The following DMBT1 variants were observed in gnomAD, a reference collection of about 807,000 sequenced individuals.
DMBT1 encodes scavenger receptor cysteine-rich domain-containing protein DMBT1.
In DMBT1, 198 loss-of-function variants were observed where a neutral mutation model predicts 252.9. That is an observed-to-expected ratio of 0.78 (90% confidence interval 0.70 to 0.88). The LOEUF (loss-of-function observed/expected upper bound fraction) is 0.88. DMBT1 is among the 40% of genes least tolerant of loss of function. The probability of loss-of-function intolerance (pLI) is 0.00; values close to 1 mark genes in which losing one functional copy is unlikely to be tolerated. For missense variants in DMBT1, 2,432 were observed against 2,404.7 expected (o/e 1.01, Z -0.24); for synonymous variants, 990 against 942.7 (o/e 1.05, Z -0.92).
intron 23 of DMBT1, 87 bp from the exon 24 acceptor site, chr10:122,596,938 G>C: frequency 2.8e-6 from 1 of 363,286 alleles, no homozygotes; most frequent in East Asian, 4.4e-5. Flanking sequence ...TGGACTGAAG[G>C]CATGATCTGT....
chr10:122,629,145 C>T (rs1229827268), intron 46 of DMBT1, among the ~76,000 whole-genome samples: 1 of 152,154 alleles, frequency 6.6e-6, no homozygotes, highest in Non-Finnish European at 1.5e-5. Flanking sequence ...GCCTGGCACT[C>T]TCTAAGAGTT....
rs1310306262 is a variant in DMBT1, at chr10:122,640,467, G to T, written c.7352+18G>T. ...CGGAGTGGGTAAGGAGTGTCTTTATGCGATGGCCTTAAACCTTTACTTGAT... is the reference window on the plus strand; with the variant it reads ...CGGAGTGGGTAAGGAGTGTCTTTATTCGATGGCCTTAAACCTTTACTTGAT... On this transcript the variant is annotated intron_variant, in intron 55 of 55. Transcript: ENST00000338354. 1 of 1,601,176 alleles carries T rather than the reference G, an allele frequency of 6.2e-7. No homozygotes were observed. The highest frequency in any genetic ancestry group is 8.5e-7 in the Non-Finnish European group (1 of 1,173,700).
At chr10:122,565,337 C>T (rs545202042) in intron 1 of DMBT1, among the ~76,000 whole-genome samples, 1 of 152,188 alleles carries the variant, frequency 6.6e-6, no homozygotes, top group Admixed American at 6.5e-5. Context: ...AATAAATACT[C>T]TCTCTGATCT....
In DMBT1 at chr10:122,636,035, GC is replaced by G; in HGVS notation, c.6597del (p.Tyr2200ThrfsTer66). ...CNYDYIEVFDGPYRSSPLIAR... is the reference protein window; with the variant it reads ...CNYDYIEVFDXPYRSSPLIAR... ...TATGATTATATTGAAGTTTTCGATG[GC>G]CCCTACCGCAGTTCCCCTCTCATTG... On this transcript the variant is annotated frameshift_variant, in exon 53 of 56. Transcript: ENST00000338354. LOFTEE classifies it high-confidence loss of function. The G allele has an allele frequency of 6.2e-7, 1 of 1,613,980 alleles. No individual in the cohort carries two copies. Among genetic ancestry groups the G allele is most frequent in the Non-Finnish European group, 8.5e-7 (1 of 1,179,896 alleles).
At chr10:122,587,693 G>A (rs1178296318) in intron 16 of DMBT1, among the ~76,000 whole-genome samples, 2 of 148,618 alleles carry the variant, frequency 1.3e-5, no homozygotes, top group Non-Finnish European at 3.0e-5. Flanking sequence ...ATGCGGAAAG[G>A]CAGAGGCCGT....
intron 6 of DMBT1, among the ~76,000 whole-genome samples, chr10:122,575,963 G>C (rs1224887686): frequency 6.6e-6 from 1 of 152,148 alleles, no homozygotes; most frequent in African/African-American, 2.4e-5. Context: ...ATAAGGCCAG[G>C]AATATCACGT....
intron 44 of DMBT1, 77 bp downstream of exon 44, chr10:122,621,457 C>T: frequency 1.9e-6 from 3 of 1,596,654 alleles, no homozygotes; most frequent in Non-Finnish European, 1.7e-6. Context: ...ACATTCTGAT[C>T]TCCTCACTCA....
intron 53 of DMBT1, among the ~76,000 whole-genome samples, chr10:122,636,842 G>A (rs2098230898): frequency 6.6e-6 from 1 of 152,186 alleles, no homozygotes; most frequent in South Asian, 2.1e-4. Flanking sequence ...ATAGATAAAT[G>A]GTAACTTGGC....
At chr10:122,637,603 T>C (rs563388566) in intron 54 of DMBT1, among the ~76,000 whole-genome samples, 6 of 152,266 alleles carry the variant, frequency 3.9e-5, no homozygotes, top group Admixed American at 2.6e-4. Context: ...CTGGAGCAGC[T>C]CCAGATTTTG....
chr10:122,618,413 T>A, intron 41 of DMBT1, 73 bp downstream of exon 41: 5 of 1,609,454 alleles, frequency 3.1e-6, no homozygotes, highest in African/African-American at 1.3e-5. Context: ...AATTACATTC[T>A]GATCTCCTCA....
At chr10:122,577,963 C>A in intron 8 of DMBT1, 123 bp downstream of exon 8, 1 of 1,073,420 alleles carries the variant, frequency 9.3e-7, no homozygotes, top group Non-Finnish European at 1.4e-6. Flanking sequence ...TCACCCCCAA[C>A]TCTGTAACTG....
At position 122,623,970 on chromosome 10, in the gene DMBT1, G is replaced by T. The variant is rs112534055; in HGVS notation, c.5609-1307G>T. Among the ~76,000 whole-genome samples the T allele has an allele frequency of 3.9e-4, 60 of 152,344 alleles. 1 individual carries two copies. Among genetic ancestry groups the T allele is most frequent in the African/African-American group, 1.4e-3 (57 of 41,582 alleles). ...TCTGCCCACTGTCCCTGTAGCTCAT[G>T]GTATTCAGTAGGTCCAGGTTTTGTT... On this transcript the variant is annotated intron_variant, in intron 44 of 55. Transcript: ENST00000338354.
chr10:122,619,180 C>A, intron 41 of DMBT1, 128 bp from the exon 42 acceptor site: 1 of 1,192,014 alleles, frequency 8.4e-7, no homozygotes, highest in Non-Finnish European at 1.3e-6. Flanking sequence ...ATGGCAATGC[C>A]CCTCCCTCTG....
At chr10:122,625,735 A>G (rs2098114161) in intron 45 of DMBT1, among the ~76,000 whole-genome samples, 198 bp from the exon 46 acceptor site, 1 of 152,236 alleles carries the variant, frequency 6.6e-6, no homozygotes, top group African/African-American at 2.4e-5. Context: ...GCCACAGTGA[A>G]AATATCCTGG....
At position 122,625,296 on chromosome 10, in the gene DMBT1, T is replaced by C. The variant is rs1158594618; in HGVS notation, c.5628T>C (p.Thr1876=). The change falls in exon 45 of 56, where the codon ACT becomes ACC. Residue 1876 remains threonine, a synonymous_variant. Coordinates refer to ENST00000338354, the MANE Select transcript of DMBT1 (RefSeq NM_001377530.1). ...VICSATQINS[T]TTDWWHPTTT... The stretch of plus-strand genomic sequence containing the variant: ...TTGCAGCCACCCAAATAAATTCTAC[T>C]ACGACAGGTGAGTCTGCTACACCCC... The C allele has an allele frequency of 1.2e-6, 2 of 1,611,022 alleles. No individual in the cohort carries two copies. The highest frequency in any genetic ancestry group is 2.2e-5 in the East Asian group (1 of 44,866).
chr10:122,630,934 T>G, intron 48 of DMBT1, 27 bp from the exon 49 acceptor site: 1 of 1,570,762 alleles, frequency 6.4e-7, no homozygotes, highest in Non-Finnish European at 8.7e-7. Flanking sequence ...GACATGGCCA[T>G]GATCTCTCAG....
In DMBT1 at chr10:122,586,438, G is replaced by A; in HGVS notation, c.1783+55G>A. 3.8e-6 allele frequency: 6 copies of A among 1,575,878 alleles called. No homozygotes were observed. The South Asian group carries it at 7.1e-5, about 19-fold the overall frequency. On this transcript the variant is annotated intron_variant, in intron 16 of 55. Coordinates refer to ENST00000338354, the MANE Select transcript of DMBT1 (RefSeq NM_001377530.1). Reference sequence around the variant, plus strand: ...CTTGGGGTAGATTTTGCTCAGGAAGGTTTTATTATGTTCTAATCTCCTCAC... The same window carrying A: ...CTTGGGGTAGATTTTGCTCAGGAAGATTTTATTATGTTCTAATCTCCTCAC...
At chr10:122,580,942 C>T (rs1247999165) in intron 11 of DMBT1, 47 bp downstream of exon 11, 1 of 1,607,042 alleles carries the variant, frequency 6.2e-7, no homozygotes, top group South Asian at 1.1e-5. Flanking sequence ...TCTTTCTGCC[C>T]AATCACCCCT....
intron 52 of DMBT1, among the ~76,000 whole-genome samples, chr10:122,634,470 CTCTCTCTCTCTTTCTCTCTT>C (rs1566009762): frequency 1.0e-5 from 1 of 98,360 alleles, no homozygotes; most frequent in African/African-American, 5.8e-5. Context: ...CTCTCTCTCT[CTCTCTCTCTCTTTCTCTCTT>C]TTTCTTTCTT....
Sources: allele counts gnomAD v4.1 joint callset (sites outside exome capture counted in the v4.1 genomes callset), GRCh38; gene constraint gnomAD v4.1.1; transcripts MANE v1.5; gene names NCBI Gene and HGNC (gene_info 2026-07-23, HGNC 2026-07-21).